UGT8: variants seen among roughly 807,000 people sequenced by gnomAD.
UGT8 encodes the protein UDP glycosyltransferase 8.
In UGT8, 12 loss-of-function variants were observed where a neutral mutation model predicts 40.5. The observed-to-expected ratio is 0.30, with a 90% confidence interval of 0.19 to 0.48. The LOEUF (loss-of-function observed/expected upper bound fraction) is 0.48. UGT8 is among the 20% of genes least tolerant of loss of function. The pLI is 0.99. For synonymous variants in UGT8, 224 were observed against 240.4 expected (o/e 0.93, Z 0.63); for missense variants, 513 against 648.7 (o/e 0.79, Z 2.27).
chr4:114,612,208 C>A (rs1287398276), intron 1 of UGT8, among the ~76,000 whole-genome samples: 1 of 152,012 alleles, frequency 6.6e-6, no homozygotes, highest in Non-Finnish European at 1.5e-5. Flanking sequence ...CCACACATTT[C>A]TCAGTTTATT....
intron 3 of UGT8, among the ~76,000 whole-genome samples, chr4:114,664,774 G>A (rs1206092784): frequency 2.6e-5 from 4 of 152,138 alleles, no homozygotes; most frequent in South Asian, 2.1e-4. Context: ...TTTATTTAGC[G>A]TGTATTTATT....
chr4:114,618,414 A>G (rs1384249196), intron 1 of UGT8, among the ~76,000 whole-genome samples: 1 of 152,210 alleles, frequency 6.6e-6, no homozygotes, highest in Non-Finnish European at 1.5e-5. Context: ...CCGGTTTTAT[A>G]AGAGACAAGT....
intron 2 of UGT8, among the ~76,000 whole-genome samples, chr4:114,629,892 C>T (rs960436118): frequency 2.6e-5 from 4 of 152,108 alleles, no homozygotes; most frequent in African/African-American, 7.2e-5. Context: ...TTAATAAGCC[C>T]TAGAGAATTG....
intron 1 of UGT8, among the ~76,000 whole-genome samples, chr4:114,599,789 A>C (rs148122579): frequency 6.6e-6 from 1 of 152,118 alleles, no homozygotes; most frequent in Non-Finnish European, 1.5e-5. Flanking sequence ...GGAGCCTGGT[A>C]TGTGTGTTTT....
At chr4:114,652,518 C>T (rs978159441) in intron 2 of UGT8, among the ~76,000 whole-genome samples, 1 of 151,170 alleles carries the variant, frequency 6.6e-6, no homozygotes, top group Non-Finnish European at 1.5e-5. Flanking sequence ...TATGATGGGT[C>T]TAGGAGTTAA....
chr4:114,615,743 A>T (rs1353344321), intron 1 of UGT8, among the ~76,000 whole-genome samples: 4 of 152,204 alleles, frequency 2.6e-5, no homozygotes, highest in Non-Finnish European at 5.9e-5. Flanking sequence ...AATTGCACAT[A>T]GCAATTCTGC....
chr4:114,604,333 G>A (rs2126083743), intron 1 of UGT8, among the ~76,000 whole-genome samples: 1 of 152,166 alleles, frequency 6.6e-6, no homozygotes, highest in East Asian at 1.9e-4. Flanking sequence ...TTAACAAAAT[G>A]TAATTTAATA....
intron 1 of UGT8, among the ~76,000 whole-genome samples, chr4:114,601,642 C>G (rs1730446628): frequency 6.6e-6 from 1 of 151,882 alleles, no homozygotes; most frequent in Non-Finnish European, 1.5e-5. Flanking sequence ...TTACTGTCTT[C>G]CTTGTTCCCT....
chr4:114,627,255 C>CTTTT (rs199675716), intron 2 of UGT8, among the ~76,000 whole-genome samples: 2 of 126,800 alleles, frequency 1.6e-5, no homozygotes, highest in Non-Finnish European at 3.4e-5. Context: ...TGAATAGATT[C>CTTTT]TTTTTTTTTT....
chr4:114,636,829 C>A (rs1416462243), intron 2 of UGT8, among the ~76,000 whole-genome samples: 2 of 152,122 alleles, frequency 1.3e-5, no homozygotes, highest in African/African-American at 2.4e-5. Context: ...GCTCAGGCTC[C>A]AAAATTCCCT....
chr4:114,655,869 CTA>C (rs1401544689), intron 2 of UGT8, among the ~76,000 whole-genome samples: 4 of 152,058 alleles, frequency 2.6e-5, no homozygotes, highest in African/African-American at 9.7e-5. Flanking sequence ...CCTTTATTTG[CTA>C]TGTCTTTAGG....
At chr4:114,647,766 C>T (rs1484942336) in intron 2 of UGT8, among the ~76,000 whole-genome samples, 2 of 152,120 alleles carry the variant, frequency 1.3e-5, no homozygotes, top group African/African-American at 2.4e-5. Flanking sequence ...CTCTAGGGTA[C>T]TGGAATTTGC....
At chr4:114,626,556 A>G (rs1732235398) in intron 2 of UGT8, among the ~76,000 whole-genome samples, 1 of 152,248 alleles carries the variant, frequency 6.6e-6, no homozygotes, top group Admixed American at 6.5e-5. Flanking sequence ...TGTAGAGAGC[A>G]TATAGTTCGG....
intron 1 of UGT8, among the ~76,000 whole-genome samples, chr4:114,619,949 A>G (rs1332470514): frequency 1.3e-5 from 2 of 151,432 alleles, no homozygotes; most frequent in Non-Finnish European, 2.9e-5. Flanking sequence ...TTTCTTTAAT[A>G]TAAATAATAT....
At chr4:114,659,116 A>G (rs2126128440) in intron 2 of UGT8, among the ~76,000 whole-genome samples, 1 of 152,336 alleles carries the variant, frequency 6.6e-6, no homozygotes, top group East Asian at 1.9e-4. Context: ...GCAATACTAG[A>G]AACAAATCAG....
chr4:114,616,710 C>T (rs1731463342), intron 1 of UGT8, among the ~76,000 whole-genome samples: 1 of 152,174 alleles, frequency 6.6e-6, no homozygotes, highest in Non-Finnish European at 1.5e-5. Flanking sequence ...GAGCTGTAGG[C>T]TGGAGCTGTT....
chr4:114,622,577 C>A (rs1300486179), intron 1 of UGT8: 1 of 273,384 alleles, frequency 3.7e-6, no homozygotes, highest in African/African-American at 2.3e-5. Context: ...GTTCCTATTT[C>A]TCCACATCCT....
chr4:114,649,766 G>A (rs1010730385), intron 2 of UGT8, among the ~76,000 whole-genome samples: 2 of 151,960 alleles, frequency 1.3e-5, no homozygotes, highest in Non-Finnish European at 2.9e-5. Context: ...AGGAAGTGGA[G>A]GAAGTGTCTT....
chr4:114,604,380 G>T (rs948643520), intron 1 of UGT8, among the ~76,000 whole-genome samples: 19 of 151,584 alleles, frequency 1.3e-4, no homozygotes, highest in Non-Finnish European at 2.8e-4. Flanking sequence ...ACCTCATAGG[G>T]TCTTAAAAAT....
Sources: allele counts gnomAD v4.1 joint callset (sites outside exome capture counted in the v4.1 genomes callset), GRCh38; gene constraint gnomAD v4.1.1; transcripts MANE v1.5; gene names NCBI Gene and HGNC (gene_info 2026-07-23, HGNC 2026-07-21).